NCS1: variants seen among roughly 807,000 people sequenced by gnomAD.
The protein encoded by NCS1 is neuronal calcium sensor 1.
In NCS1, 6 loss-of-function variants were observed where a neutral mutation model predicts 28.4. The ratio of observed to expected loss-of-function variants is 0.21; its 90% confidence interval spans 0.12 to 0.42. The LOEUF is 0.42. Among genes scored for constraint, NCS1 ranks in the 10% least tolerant of loss-of-function variants. The probability of loss-of-function intolerance (pLI) is 1.00; values close to 1 mark genes in which losing one functional copy is unlikely to be tolerated. For synonymous variants in NCS1, 86 were observed against 99.3 expected (o/e 0.87, Z 0.79); for missense variants, 131 against 241.4 (o/e 0.54, Z 3.03).
At chr9:130,230,958 T>G (rs782788641) in intron 7 of NCS1, among the ~76,000 whole-genome samples, 11 of 152,244 alleles carry the variant, frequency 7.2e-5, no homozygotes, top group Non-Finnish European at 1.6e-4. Context: ...CTAGTTGCTA[T>G]TCTAGTTTCC....
intron 2 of NCS1, among the ~76,000 whole-genome samples, chr9:130,217,205 G>T (rs1446643390): frequency 6.6e-6 from 1 of 152,250 alleles, no homozygotes; most frequent in Non-Finnish European, 1.5e-5. Flanking sequence ...AGCCATTCCG[G>T]CGTCAGCCAC....
intron 1 of NCS1, among the ~76,000 whole-genome samples, chr9:130,173,178 C>G (rs1398091966): frequency 6.7e-6 from 1 of 149,170 alleles, no homozygotes; most frequent in Non-Finnish European, 1.5e-5. Flanking sequence ...GCCTGTCGCC[C>G]CCTCCCTGGC....
intron 1 of NCS1, chr9:130,200,573 C>G (rs1832928394): frequency 6.4e-7 from 1 of 1,551,702 alleles, no homozygotes; most frequent in African/African-American, 1.4e-5. Flanking sequence ...CAGGGCCTTC[C>G]CTGACATCCC....
At position 130,236,903 on chromosome 9, in the gene NCS1, C is replaced by T. The variant is rs7847694; in HGVS notation, c.*3931C>T. On this transcript the variant is annotated 3_prime_UTR_variant, in exon 8 of 8. Coordinates refer to ENST00000372398, the MANE Select transcript of NCS1 (RefSeq NM_014286.4). ...GCAAGAGTCTCTGCTGGGCCTGCCT[C>T]GCAGGGGCCTGGTGAGACCCAAATG... 100,720 of 152,044 alleles carry T rather than the reference C, an allele frequency of 0.66. 34,338 individuals are homozygous for T. Among genetic ancestry groups the T allele is most frequent in the East Asian group, 0.75 (3,856 of 5,140 alleles). 9.4% of individuals were successfully genotyped at this position (152,044 alleles called of 1,614,324 possible). A position where few individuals can be genotyped will look rare whatever the true frequency, so the allele number is the denominator to read the frequency against.
At chr9:130,227,387 C>G (rs559459099) in intron 7 of NCS1, among the ~76,000 whole-genome samples, 30 of 152,264 alleles carry the variant, frequency 2.0e-4, no homozygotes, top group Non-Finnish European at 5.9e-5. Context: ...TCCTGGTGAA[C>G]CAGTGGATGC....
chr9:130,228,286 C>T (rs1833446173), intron 7 of NCS1, among the ~76,000 whole-genome samples: 1 of 151,938 alleles, frequency 6.6e-6, no homozygotes, highest in Non-Finnish European at 1.5e-5. Flanking sequence ...GAGCCTCCCA[C>T]CTCAGCCCTC....
At chr9:130,187,823 A>G (rs1554905806) in intron 1 of NCS1, among the ~76,000 whole-genome samples, 3 of 152,180 alleles carry the variant, frequency 2.0e-5, no homozygotes, top group African/African-American at 7.2e-5. Flanking sequence ...TCTACCGGCT[A>G]TGACATTAGG....
chr9:130,230,446 C>A (rs1408346232), intron 7 of NCS1, among the ~76,000 whole-genome samples: 2 of 152,102 alleles, frequency 1.3e-5, no homozygotes, highest in Non-Finnish European at 2.9e-5. Flanking sequence ...TGGTCACTCA[C>A]ACCTATCATC....
At chr9:130,190,617 G>A (rs1194674287) in intron 1 of NCS1, among the ~76,000 whole-genome samples, 3 of 152,196 alleles carry the variant, frequency 2.0e-5, no homozygotes, top group African/African-American at 7.2e-5. Flanking sequence ...CAGCACCAAC[G>A]GCACTTTGTT....
In NCS1 at chr9:130,189,456, T is replaced by C. The variant is rs28742068; in HGVS notation, c.65-11502T>C. On this transcript the variant is annotated intron_variant, in intron 1 of 7. Transcript: ENST00000372398. ...TTGGGAAATGCTTGTGGAATGGGAC[T>C]GATCCGGATCCCTGAGTGCCGGGGT... Among the ~76,000 whole-genome samples the C allele has an allele frequency of 9.6e-3, 1,456 of 152,288 alleles. 24 individuals are homozygous for C. The highest frequency in any genetic ancestry group is 0.033 in the African/African-American group (1,389 of 41,536).
chr9:130,223,650 G>A (rs1457356649), intron 6 of NCS1, among the ~76,000 whole-genome samples: 3 of 152,124 alleles, frequency 2.0e-5, no homozygotes, highest in African/African-American at 7.2e-5. Context: ...CAACTAGGGT[G>A]TGTTATGAAA....
chr9:130,211,191 C>T (rs1257487109), intron 2 of NCS1, among the ~76,000 whole-genome samples: 1 of 151,682 alleles, frequency 6.6e-6, no homozygotes, highest in Non-Finnish European at 1.5e-5. Flanking sequence ...TGCTCAATGC[C>T]ACCAGTGAAA....
At chr9:130,213,846 T>A (rs1833147581) in intron 2 of NCS1, among the ~76,000 whole-genome samples, 2 of 152,220 alleles carry the variant, frequency 1.3e-5, no homozygotes. Flanking sequence ...CCCAAAGTGC[T>A]GGAATTACAG....
chr9:130,183,627 T>C (rs1347467430), intron 1 of NCS1, among the ~76,000 whole-genome samples: 3 of 152,202 alleles, frequency 2.0e-5, no homozygotes, highest in African/African-American at 7.2e-5. Flanking sequence ...GGATGGAAAG[T>C]GGCCTCTTTA....
rs530243548 is a variant in NCS1 at position 130,175,128 on chromosome 9, C to T, written c.64+2401C>T. 1.3e-4 allele frequency among the ~76,000 whole-genome samples: 20 copies of T among 152,200 alleles called. No homozygotes were observed. The highest frequency in any genetic ancestry group is 5.2e-4 in the Admixed American group (8 of 15,286). The stretch of plus-strand genomic sequence containing the variant: ...GTTCATTGGCCTCCTGTCTGCCTCC[C>T]GCGCTGACGTCAGCTCCCTAGTGCA... On this transcript the variant is annotated intron_variant, in intron 1 of 7. Transcript: ENST00000372398. The surrounding 1 kb of genome is among the most constrained non-coding windows in gnomAD (Gnocchi z 4.9).
chr9:130,197,112 G>A (rs1187551718), intron 1 of NCS1, among the ~76,000 whole-genome samples: 2 of 152,186 alleles, frequency 1.3e-5, no homozygotes, highest in Admixed American at 6.5e-5. Flanking sequence ...CACGGATAAC[G>A]TGCCCTTCCA....
intron 1 of NCS1, chr9:130,200,742 G>A (rs1489389666): frequency 8.3e-6 from 12 of 1,440,454 alleles, no homozygotes; most frequent in Non-Finnish European, 1.1e-5. Flanking sequence ...CACCGGGAAG[G>A]GGTGGGGCCA....
At chr9:130,223,458 A>G (rs1833368114) in intron 6 of NCS1, among the ~76,000 whole-genome samples, 1 of 152,054 alleles carries the variant, frequency 6.6e-6, no homozygotes, top group African/African-American at 2.4e-5. Flanking sequence ...AATGGCTTTA[A>G]GCGCATAAAA....
At chr9:130,199,162 T>C (rs773292923) in intron 1 of NCS1, among the ~76,000 whole-genome samples, 4 of 151,798 alleles carry the variant, frequency 2.6e-5, no homozygotes, top group African/African-American at 4.8e-5. Flanking sequence ...GGTGTGATCT[T>C]GGCTCACTGC....
Sources: allele counts gnomAD v4.1 joint callset (sites outside exome capture counted in the v4.1 genomes callset), GRCh38; gene constraint gnomAD v4.1.1; non-coding constraint Gnocchi (gnomAD v3.1); transcripts MANE v1.5; gene names NCBI Gene and HGNC (gene_info 2026-07-23, HGNC 2026-07-21).